Variants in KIRREL3 observed in about 807,000 individuals in gnomAD.
The protein encoded by KIRREL3 is kin of IRRE-like protein 3.
In KIRREL3, 36 loss-of-function variants were observed where a neutral mutation model predicts 89.7. That is an observed-to-expected ratio of 0.40 (90% CI 0.31 to 0.53). KIRREL3 has a LOEUF of 0.53. Ranked by LOEUF, KIRREL3 falls within the 20% of genes least tolerant of loss-of-function variation. KIRREL3 has a pLI of 0.49. For synonymous variants in KIRREL3, 445 were observed against 441.4 expected, an observed-to-expected ratio of 1.01 and a Z score of -0.10; for missense variants, 864 against 1,056.6, an observed-to-expected ratio of 0.82 and a Z score of 2.53.
At chr11:126,472,921 C>T (rs1956940022) in intron 5 of KIRREL3, among the ~76,000 whole-genome samples, 1 of 137,784 alleles carries the variant, frequency 7.3e-6, no homozygotes, top group Non-Finnish European at 1.6e-5. Context: ...CCCCATCCAG[C>T]CCCCATTATC....
In KIRREL3 at chr11:126,754,499, T is replaced by C. The variant is rs896271926; in HGVS notation, c.56-191587A>G. 4.6e-5 allele frequency among the ~76,000 whole-genome samples: 7 copies of C among 152,070 alleles called. No homozygotes were observed. Among genetic ancestry groups the C allele is most frequent in the Non-Finnish European group, 1.0e-4 (7 of 68,010 alleles). On this transcript the variant is annotated intron_variant, in intron 1 of 16. Transcript: ENST00000525144. The surrounding 1 kb of genome is among the most constrained non-coding windows in gnomAD (Gnocchi z 5.1). ...ATGCACAGAAAATATCAGAACAAAA[T>C]GGGCAGAGTCTACTTGGTTTAAGGC...
chr11:126,516,929 T>G lies in KIRREL3; in HGVS notation c.433+4386A>C, dbSNP rs1958427068. On this transcript the variant is annotated intron_variant, in intron 4 of 16. Transcript: ENST00000525144. This position sits in a 1 kb window ranked among gnomAD's most constrained non-coding sequence, Gnocchi z 4.9. ...GCAGCATGGCTAAAAATACAAAAAT[T>G]AGCCAGGCGTGGTGGCACGTGCCTG... is the stretch of plus-strand genomic sequence containing the variant. Among the ~76,000 whole-genome samples the G allele has an allele frequency of 6.6e-6, 1 of 151,886 alleles. No individual in the cohort carries two copies. Among genetic ancestry groups the G allele is most frequent in the Non-Finnish European group, 1.5e-5 (1 of 67,968 alleles).
chr11:126,962,009 A>T (rs1168667597), intron 1 of KIRREL3, among the ~76,000 whole-genome samples: 3 of 152,226 alleles, frequency 2.0e-5, no homozygotes, highest in Admixed American at 6.5e-5. Context: ...AGAAAAGAAG[A>T]TTCCTTTCAA....
chr11:126,725,323 C>T (rs755563510), intron 1 of KIRREL3, among the ~76,000 whole-genome samples: 17 of 140,284 alleles, frequency 1.2e-4, no homozygotes, highest in Middle Eastern at 7.1e-3. Flanking sequence ...TGGCAGAGTG[C>T]GCTATCAGGA....
intron 1 of KIRREL3, among the ~76,000 whole-genome samples, chr11:126,785,070 C>T (rs1017299392): frequency 6.6e-6 from 1 of 152,062 alleles, no homozygotes; most frequent in Admixed American, 6.5e-5. Context: ...TCACATTTTG[C>T]CTGTGAAGAT....
intron 1 of KIRREL3, among the ~76,000 whole-genome samples, chr11:126,899,884 A>G (rs1311712215): frequency 6.6e-6 from 1 of 152,252 alleles, no homozygotes; most frequent in Non-Finnish European, 1.5e-5. Context: ...AGAAAAAAGT[A>G]GCAAGTGGAG....
rs550367452 is a variant in KIRREL3, at chr11:126,467,836, C to T, written c.592-4529G>A. On this transcript the variant is annotated intron_variant, in intron 5 of 16. Coordinates refer to ENST00000525144, the MANE Select transcript of KIRREL3 (RefSeq NM_032531.4). ...TCACAGAGAAGGCCAGGATGAGCCT[C>T]GGCCACACCCAGTGGAGACTCTAGG... Among the ~76,000 whole-genome samples the T allele has an allele frequency of 3.3e-4, 50 of 152,284 alleles. 1 individual carries two copies. The highest frequency in any genetic ancestry group is 1.2e-3 in the African/African-American group (49 of 41,578).
intron 1 of KIRREL3, among the ~76,000 whole-genome samples, chr11:126,728,356 C>T (rs893880988): frequency 6.6e-6 from 1 of 152,180 alleles, no homozygotes; most frequent in African/African-American, 2.4e-5. Flanking sequence ...GCATGCTGCA[C>T]ATGCCTCTAC....
At chr11:126,707,949 C>A (rs1365525324) in intron 1 of KIRREL3, among the ~76,000 whole-genome samples, 2 of 151,962 alleles carry the variant, frequency 1.3e-5, no homozygotes, top group Non-Finnish European at 2.9e-5. Flanking sequence ...TGCATTCATT[C>A]TCCTGCCTGT....
intron 1 of KIRREL3, chr11:126,944,928 G>A (rs1482342770): frequency 6.6e-6 from 1 of 152,122 alleles, no homozygotes; most frequent in African/African-American, 2.4e-5. Context: ...TTTCATTCAG[G>A]ACCCTAATGA....
rs1337748376 is a variant in KIRREL3 at position 126,474,325 on chromosome 11, A to G, written c.434-859T>C. On this transcript the variant is annotated intron_variant, in intron 4 of 16. Transcript: ENST00000525144. This position sits in a 1 kb window ranked among gnomAD's most constrained non-coding sequence, Gnocchi z 6.7. ...CTCACAACAGTCTGGTGAGGTCAAC[A>G]TTACCACCCCAATGACACAGATCCG... 3.3e-5 allele frequency among the ~76,000 whole-genome samples: 5 copies of G among 152,196 alleles called. No homozygotes were observed. Among genetic ancestry groups the G allele is most frequent in the Non-Finnish European group, 7.3e-5 (5 of 68,036 alleles).
Position 126,678,599 on chromosome 11 carries a change from C to CAAAAAAAAAAAAAAA in KIRREL3, c.56-115702_56-115688dup, listed in dbSNP as rs59342253. Among the ~76,000 whole-genome samples, 129 of 50,046 alleles carry CAAAAAAAAAAAAAAA rather than the reference C, an allele frequency of 2.6e-3. 21 individuals are homozygous for CAAAAAAAAAAAAAAA. Among genetic ancestry groups the CAAAAAAAAAAAAAAA allele is most frequent in the Admixed American group, 2.7e-3 (8 of 2,912 alleles). 32.8% of individuals were successfully genotyped at this position (50,046 alleles called of 152,430 possible). A position where few individuals can be genotyped will look rare whatever the true frequency, so the allele number is the denominator to read the frequency against. On this transcript the variant is annotated intron_variant, in intron 1 of 16. Transcript: ENST00000525144. Reference sequence around the variant, plus strand: ...TGGGCGATAGAGCAAGACTCTGTCTCAAAAAAAAAAAAAAAAAAAAAAAAA... The same window carrying CAAAAAAAAAAAAAAA: ...TGGGCGATAGAGCAAGACTCTGTCTCAAAAAAAAAAAAAAAAAAAAAAAAAAAAAAAAAAAAAAAA...
chr11:126,619,363 G>A (rs1055487237), intron 1 of KIRREL3, among the ~76,000 whole-genome samples: 2 of 152,212 alleles, frequency 1.3e-5, no homozygotes, highest in Admixed American at 6.5e-5. Flanking sequence ...AGAGGAAGGC[G>A]GAAGCCAGAT....
chr11:126,819,029 A>G (rs1951680187), intron 1 of KIRREL3, among the ~76,000 whole-genome samples: 1 of 152,200 alleles, frequency 6.6e-6, no homozygotes, highest in Admixed American at 6.5e-5. Context: ...CGCTAGGGGT[A>G]GAGGCAGTTG....
At chr11:126,617,696 A>T (rs897229568) in intron 1 of KIRREL3, among the ~76,000 whole-genome samples, 18 of 152,234 alleles carry the variant, frequency 1.2e-4, no homozygotes, top group African/African-American at 4.3e-4. Flanking sequence ...CTTTATAAAC[A>T]TTCCCCACAA....
chr11:126,936,493 T>C (rs1948191298), intron 1 of KIRREL3: 1 of 149,780 alleles, frequency 6.7e-6, no homozygotes, highest in Non-Finnish European at 1.5e-5. Flanking sequence ...AATCTAAATG[T>C]CCATCGACTG....
rs1943245846 is a variant in KIRREL3 at position 126,614,017 on chromosome 11, A to G, written c.56-51105T>C. On this transcript the variant is annotated intron_variant, in intron 1 of 16. Coordinates refer to ENST00000525144, the MANE Select transcript of KIRREL3 (RefSeq NM_032531.4). The surrounding 1 kb of genome is among the most constrained non-coding windows in gnomAD (Gnocchi z 4.6). ...AAGAATTGCTTTTGGCTCTTGATTT[A>G]TGATGAGGTTCTTTTCTGTGTAATT... 6.6e-6 allele frequency among the ~76,000 whole-genome samples: 1 copy of G among 151,724 alleles called. No homozygotes were observed. Among genetic ancestry groups the G allele is most frequent in the African/African-American group, 2.4e-5 (1 of 41,256 alleles).
At position 126,723,460 on chromosome 11, in the gene KIRREL3, C is replaced by T. The variant is rs1948258435; in HGVS notation, c.56-160548G>A. Among the ~76,000 whole-genome samples the T allele has an allele frequency of 6.6e-6, 1 of 152,204 alleles. No homozygotes were observed. Among genetic ancestry groups the T allele is most frequent in the South Asian group, 2.1e-4 (1 of 4,832 alleles). ...TTTAAAAAAATCAACTCTCCTCAGC[C>T]TCCAGACACACATGCTCTGTGGCAT... On this transcript the variant is annotated intron_variant, in intron 1 of 16. Transcript: ENST00000525144. The surrounding 1 kb of genome is among the most constrained non-coding windows in gnomAD (Gnocchi z 4.0).
At chr11:126,460,375 A>G (rs571324988) in intron 6 of KIRREL3, among the ~76,000 whole-genome samples, 2 of 152,326 alleles carry the variant, frequency 1.3e-5, no homozygotes, top group Non-Finnish European at 2.9e-5. Flanking sequence ...TTTAATCCTC[A>G]CTGCAACCTT....
Sources: allele counts gnomAD v4.1 joint callset (sites outside exome capture counted in the v4.1 genomes callset), GRCh38; gene constraint gnomAD v4.1.1; non-coding constraint Gnocchi (gnomAD v3.1); transcripts MANE v1.5; gene names NCBI Gene and HGNC (gene_info 2026-07-23, HGNC 2026-07-21).